LPP: variants seen among roughly 807,000 people sequenced by gnomAD.
The protein encoded by LPP is lipoma-preferred partner.
A neutral mutation model predicts 60.4 loss-of-function variants in LPP; 38 were observed. The observed-to-expected ratio is 0.63, with a 90% CI of 0.49 to 0.83. The LOEUF (loss-of-function observed/expected upper bound fraction) is 0.83. Ranked by LOEUF, LPP falls within the 40% of genes least tolerant of loss-of-function variation. The pLI is 0.00. For missense variants in LPP, 902 were observed against 783.6 expected (o/e 1.15, Z -1.80); for synonymous variants, 328 against 290.8 (o/e 1.13, Z -1.30).
rs1776309566 is a variant in LPP at position 188,379,617 on chromosome 3, A to G, written c.-9-26495A>G. ...TACTAAGCAACCACGAATCTACTTT[A>G]TAATCTGTGAAGTTGCCCATTCTGG... On this transcript the variant is annotated intron_variant, in intron 3 of 11. Coordinates refer to ENST00000617246, the MANE Select transcript of LPP (RefSeq NM_001375462.1). 2.0e-5 allele frequency among the ~76,000 whole-genome samples: 3 copies of G among 152,236 alleles called. No homozygotes were observed. In the South Asian group the frequency reaches 6.2e-4, roughly 32 times the overall value.
intron 3 of LPP, among the ~76,000 whole-genome samples, chr3:188,391,430 TA>T (rs896233649): frequency 6.6e-6 from 1 of 152,188 alleles, no homozygotes; most frequent in Non-Finnish European, 1.5e-5. Context: ...CTGTTGTTGA[TA>T]AAATATCATT....
intron 2 of LPP, among the ~76,000 whole-genome samples, chr3:188,241,151 A>G (rs1577487361): frequency 6.6e-6 from 1 of 152,282 alleles, no homozygotes; most frequent in Admixed American, 6.5e-5. Flanking sequence ...GGTCATGGGG[A>G]TAGCCTGACA....
At chr3:188,736,143 T>C (rs966974237) in intron 8 of LPP, among the ~76,000 whole-genome samples, 2 of 152,212 alleles carry the variant, frequency 1.3e-5, no homozygotes, top group African/African-American at 4.8e-5. Flanking sequence ...AAAAACTTTA[T>C]TGATCTGATC....
chr3:188,738,351 A>G (rs1723237713), intron 8 of LPP, among the ~76,000 whole-genome samples: 2 of 152,168 alleles, frequency 1.3e-5, no homozygotes, highest in Admixed American at 1.3e-4. Flanking sequence ...CAGCAACTCT[A>G]ATTTAATAGA....
intron 7 of LPP, among the ~76,000 whole-genome samples, chr3:188,636,329 G>A (rs192702330): frequency 1.3e-5 from 2 of 152,272 alleles, no homozygotes; most frequent in African/African-American, 2.4e-5. Flanking sequence ...ACTCCCACCC[G>A]AATACTGCGC....
At chr3:188,283,132 G>A (rs185181343) in intron 2 of LPP, among the ~76,000 whole-genome samples, 1 of 152,282 alleles carries the variant, frequency 6.6e-6, no homozygotes, top group East Asian at 1.9e-4. Flanking sequence ...ACAAGGAGAG[G>A]TGGTGTTTGC....
At chr3:188,186,026 G>T (rs1196921412) in intron 1 of LPP, among the ~76,000 whole-genome samples, 1 of 152,048 alleles carries the variant, frequency 6.6e-6, no homozygotes. Context: ...TCAGGCCTGC[G>T]GCTTCCTATT....
At chr3:188,509,231 A>G (rs1055064327) in intron 5 of LPP, among the ~76,000 whole-genome samples, 2 of 152,230 alleles carry the variant, frequency 1.3e-5, no homozygotes, top group Non-Finnish European at 2.9e-5. Flanking sequence ...ACCAGAAAAC[A>G]TGTGCAGAAG....
In LPP at chr3:188,874,364, T is replaced by A; in HGVS notation, c.1724T>A (p.Leu575His). The A allele has an allele frequency of 6.2e-7, 1 of 1,613,816 alleles. No homozygotes were observed. The highest frequency in any genetic ancestry group is 8.5e-7 in the Non-Finnish European group (1 of 1,179,796). The change falls in exon 12 of 12, where the codon CTC (leucine) becomes CAC (histidine). Residue 575 changes from leucine (L) to histidine (H), a missense_variant. Coordinates refer to ENST00000617246, the MANE Select transcript of LPP (RefSeq NM_001375462.1). Reference protein sequence around the residue: ...HCYRCEDCGGLLSEGDNQGCY... With the variant: ...HCYRCEDCGGHLSEGDNQGCY... ...TTACTGTTCTAGGATTGCGGTGGTCTCCTGTCTGAAGGAGATAACCAAGGC... is the reference window on the plus strand; with the variant it reads ...TTACTGTTCTAGGATTGCGGTGGTCACCTGTCTGAAGGAGATAACCAAGGC...
chr3:188,224,064 G>C (rs1716812081), intron 1 of LPP, among the ~76,000 whole-genome samples: 1 of 152,150 alleles, frequency 6.6e-6, no homozygotes, highest in South Asian at 2.1e-4. Flanking sequence ...GGATTTGTAA[G>C]TCCTGGTTTG....
At chr3:188,559,876 G>A (rs986851478) in intron 6 of LPP, among the ~76,000 whole-genome samples, 3 of 152,030 alleles carry the variant, frequency 2.0e-5, no homozygotes, top group Non-Finnish European at 4.4e-5. Flanking sequence ...TTCTTTGAAT[G>A]CCAGCTTTTC....
In LPP at chr3:188,793,599, C is replaced by T. The variant is rs114536303; in HGVS notation, c.1410+33317C>T. Among the ~76,000 whole-genome samples the T allele has an allele frequency of 2.4e-3, 362 of 152,248 alleles. 3 individuals are homozygous for T. Among genetic ancestry groups the T allele is most frequent in the African/African-American group, 8.5e-3 (352 of 41,542 alleles). On this transcript the variant is annotated intron_variant, in intron 9 of 11. Transcript: ENST00000617246. ...GCCTGCCCTTTAAGTAAAGCCTACT[C>T]ATATGGGAGTATATGTGCTTTATTA...
At chr3:188,428,016 G>A (rs1273783277) in intron 4 of LPP, among the ~76,000 whole-genome samples, 1 of 152,120 alleles carries the variant, frequency 6.6e-6, no homozygotes, top group Non-Finnish European at 1.5e-5. Flanking sequence ...ACCCGGTTTT[G>A]TGCTTGAAAC....
chr3:188,404,734 T>C (rs1436389526), intron 3 of LPP, among the ~76,000 whole-genome samples: 1 of 152,216 alleles, frequency 6.6e-6, no homozygotes, highest in Non-Finnish European at 1.5e-5. Flanking sequence ...ATGCTCTTTG[T>C]CTTTACAGAC....
At chr3:188,205,112 T>C (rs1461278874) in intron 1 of LPP, among the ~76,000 whole-genome samples, 3 of 152,162 alleles carry the variant, frequency 2.0e-5, no homozygotes, top group African/African-American at 7.2e-5. Context: ...TGTAATATTG[T>C]ACAATTCTGT....
intron 6 of LPP, among the ~76,000 whole-genome samples, chr3:188,578,544 GTTTT>G (rs1287837660): frequency 6.6e-6 from 1 of 151,808 alleles, no homozygotes; most frequent in South Asian, 2.1e-4. Flanking sequence ...AAGGCGACAG[GTTTT>G]TTTGTGTGTC....
intron 2 of LPP, among the ~76,000 whole-genome samples, chr3:188,294,056 CAAAAAAAAAAA>C (rs61312510): frequency 1.5e-4 from 6 of 39,406 alleles, no homozygotes; most frequent in Non-Finnish European, 1.9e-4. Flanking sequence ...CAAACTCTGT[CAAAAAAAAAAA>C]AAAAAAAAAA....
At chr3:188,583,174 T>A (rs1170402860) in intron 6 of LPP, among the ~76,000 whole-genome samples, 1 of 152,188 alleles carries the variant, frequency 6.6e-6, no homozygotes, top group Admixed American at 6.5e-5. Flanking sequence ...AAAATAACCT[T>A]TTTTGGTTTG....
At chr3:188,264,555 T>G (rs1256678932) in intron 2 of LPP, among the ~76,000 whole-genome samples, 1 of 152,162 alleles carries the variant, frequency 6.6e-6, no homozygotes, top group Non-Finnish European at 1.5e-5. Context: ...AGGTTGGAGC[T>G]GATTTTTAAA....
Sources: allele counts gnomAD v4.1 joint callset (sites outside exome capture counted in the v4.1 genomes callset), GRCh38; gene constraint gnomAD v4.1.1; transcripts MANE v1.5; gene names NCBI Gene and HGNC (gene_info 2026-07-23, HGNC 2026-07-21).